BSPRY: variants seen among roughly 807,000 people sequenced by gnomAD.
The protein encoded by BSPRY is B-box and SPRY domain containing.
A neutral mutation model predicts 38.0 loss-of-function variants in BSPRY; 33 were observed. The ratio of observed to expected loss-of-function variants is 0.87; its 90% confidence interval spans 0.66 to 1.16. The LOEUF is 1.16. Among genes scored for constraint, BSPRY ranks in the 50% most tolerant of loss-of-function variants. The pLI is 0.00. For missense variants in BSPRY, 523 were observed against 533.2 expected (o/e 0.98, Z 0.19); for synonymous variants, 224 against 228.5 (o/e 0.98, Z 0.18).
chr9:113,354,790 C>T lies in BSPRY; in HGVS notation c.300+452C>T, dbSNP rs138873800. 6.1e-3 allele frequency among the ~76,000 whole-genome samples: 931 copies of T among 152,302 alleles called. 11 individuals are homozygous for T. Among genetic ancestry groups the T allele is most frequent in the Middle Eastern group, 0.031 (9 of 294 alleles). The stretch of plus-strand genomic sequence containing the variant: ...AAGGACCCCATAGCCTCCTGGCAGT[C>T]GGTTCTGTGACCTGGATCTTCTGTC... On this transcript the variant is annotated intron_variant, in intron 2 of 5. Coordinates refer to ENST00000374183, the MANE Select transcript of BSPRY (RefSeq NM_017688.3).
At chr9:113,366,345 C>T (rs997658249) in intron 4 of BSPRY, among the ~76,000 whole-genome samples, 2 of 152,186 alleles carry the variant, frequency 1.3e-5, no homozygotes, top group Non-Finnish European at 1.5e-5. Flanking sequence ...CCAGGCTGAG[C>T]GAATATACTC....
intron 1 of BSPRY, among the ~76,000 whole-genome samples, chr9:113,349,992 G>C (rs554125050): frequency 6.6e-6 from 1 of 152,354 alleles, no homozygotes; most frequent in South Asian, 2.1e-4. Flanking sequence ...CTCCCTGTGA[G>C]TCACGTAACT....
chr9:113,353,205 T>C (rs1833998409), intron 1 of BSPRY, among the ~76,000 whole-genome samples: 1 of 151,756 alleles, frequency 6.6e-6, no homozygotes, highest in South Asian at 2.1e-4. Context: ...CTATGCAACA[T>C]GGCAAAAGTC....
intron 5 of BSPRY, 134 bp from the exon 6 acceptor site, chr9:113,369,482 A>C: frequency 1.1e-6 from 1 of 902,772 alleles, no homozygotes; most frequent in Non-Finnish European, 1.7e-6. Context: ...CGTTTTGCAG[A>C]CAAGGCTCAG....
At chr9:113,350,921 G>A (rs7870848) in intron 1 of BSPRY, among the ~76,000 whole-genome samples, 41,303 of 152,054 alleles carry the variant, frequency 0.27, 6,322 homozygotes, top group Non-Finnish European at 0.35. Context: ...TCTTGACCAC[G>A]CCTTTGAAGG....
chr9:113,369,668 G>A lies in BSPRY; in HGVS notation c.735G>A (p.Leu245=). Residue 245 remains leucine, a synonymous_variant, in exon 6 of 6, where the codon TTG becomes TTA. Coordinates refer to ENST00000374183, the MANE Select transcript of BSPRY (RefSeq NM_017688.3). Reference sequence around the variant, plus strand: ...GGACAGTCAGCCCCTTCCTGCAATTGTCAGATGATCGAAAGACCCTGACCT... The same window carrying A: ...GGACAGTCAGCCCCTTCCTGCAATTATCAGATGATCGAAAGACCCTGACCT... ...DERTVSPFLQ[L]SDDRKTLTFS... is the part of the protein sequence containing the mutation. 1 of 1,614,186 alleles carries A rather than the reference G, an allele frequency of 6.2e-7. No individual in the cohort carries two copies. The highest frequency in any genetic ancestry group is 1.3e-5 in the African/African-American group (1 of 75,064).
rs769642845 is a variant in BSPRY, at chr9:113,370,331, A to T, written c.*189A>T. 1 of 583,146 alleles carries T rather than the reference A, an allele frequency of 1.7e-6. No individual in the cohort carries two copies. Among genetic ancestry groups the T allele is most frequent in the Non-Finnish European group, 2.6e-6 (1 of 382,504 alleles). 36.1% of individuals were successfully genotyped at this position (583,146 alleles called of 1,614,324 possible). A position where few individuals can be genotyped will look rare whatever the true frequency, so the allele number is the denominator to read the frequency against. ...ATAACCTGTAAATCACAGGTGTCCA[A>T]ACTTTTGGCTTCCCTGGGCCACATT... On this transcript the variant is annotated 3_prime_UTR_variant, in exon 6 of 6. Transcript: ENST00000374183. This position sits in a 1 kb window ranked among gnomAD's most constrained non-coding sequence, Gnocchi z 4.8.
At chr9:113,353,176 C>G (rs964769981) in intron 1 of BSPRY, among the ~76,000 whole-genome samples, 5 of 151,436 alleles carry the variant, frequency 3.3e-5, no homozygotes, top group Non-Finnish European at 4.4e-5. Flanking sequence ...TTGCTTGAGC[C>G]CAGGAGTTGG....
rs769687372 is a variant in BSPRY, at chr9:113,370,172, C to T, written c.*30C>T. 19 of 1,523,216 alleles carry T rather than the reference C, an allele frequency of 1.2e-5. 1 individual carries two copies. The highest frequency in any genetic ancestry group is 1.3e-5 in the Non-Finnish European group (15 of 1,136,640). 94.4% of individuals were successfully genotyped at this position (1,523,216 alleles called of 1,614,324 possible). ...TGGCCACAGGAAGCCAGGTCCACCG[C>T]CCACCACCCTTTCAGGCCATGTTTC... On this transcript the variant is annotated 3_prime_UTR_variant, in exon 6 of 6. Transcript: ENST00000374183. The surrounding 1 kb of genome is among the most constrained non-coding windows in gnomAD (Gnocchi z 4.8).
At chr9:113,361,606 G>A (rs1402885159) in intron 3 of BSPRY, among the ~76,000 whole-genome samples, 1 of 152,142 alleles carries the variant, frequency 6.6e-6, no homozygotes, top group Non-Finnish European at 1.5e-5. Context: ...CGGATGAAGC[G>A]ACTTAGAAGC....
At position 113,369,633 on chromosome 9, in the gene BSPRY, A is replaced by G; in HGVS notation, c.700A>G (p.Ile234Val). 2 of 1,612,944 alleles carry G rather than the reference A, an allele frequency of 1.2e-6. No homozygotes were observed. Among genetic ancestry groups the G allele is most frequent in the South Asian group, 2.2e-5 (2 of 90,904 alleles). Reference sequence around the variant, plus strand: ...TCTGGCAGGCACAGAGGACATACGGATCGATGAGAGGACAGTCAGCCCCTT... The same window carrying G: ...TCTGGCAGGCACAGAGGACATACGGGTCGATGAGAGGACAGTCAGCCCCTT... ...GSLSGTEDIRIDERTVSPFLQ... is the reference protein window; with the variant it reads ...GSLSGTEDIRVDERTVSPFLQ... Residue 234 changes from isoleucine (I) to valine (V), a missense_variant, in exon 6 of 6, where the codon ATC becomes GTC. Ile to Val is a conservative substitution (Grantham distance 29, BLOSUM62 3). Coordinates refer to ENST00000374183, the MANE Select transcript of BSPRY (RefSeq NM_017688.3).
intron 4 of BSPRY, among the ~76,000 whole-genome samples, chr9:113,363,543 A>G (rs1173555606): frequency 6.6e-6 from 1 of 152,164 alleles, no homozygotes; most frequent in Non-Finnish European, 1.5e-5. Context: ...TTGTGGACTT[A>G]TATATAGTCA....
chr9:113,362,174 GGTGTGT>G (rs10600721), intron 3 of BSPRY, among the ~76,000 whole-genome samples, 189 bp from the exon 4 acceptor site: 16,334 of 141,246 alleles, frequency 0.12, 898 homozygotes, highest in African/African-American at 0.13. Flanking sequence ...ATGTGTTATG[GGTGTGT>G]GTGTGTGTGT....
At chr9:113,361,124 C>G (rs943643946) in intron 3 of BSPRY, among the ~76,000 whole-genome samples, 3 of 152,062 alleles carry the variant, frequency 2.0e-5, no homozygotes, top group African/African-American at 4.8e-5. Flanking sequence ...CCCCTTACCC[C>G]CAATGTTTCC....
rs180852832 is a variant in BSPRY, at chr9:113,370,166, C to T, written c.*24C>T. 121 of 1,523,542 alleles carry T rather than the reference C, an allele frequency of 7.9e-5. No homozygotes were observed. The highest frequency in any genetic ancestry group is 9.9e-5 in the Non-Finnish European group (113 of 1,136,726). The allele number at this position is 1,523,542 out of a possible 1,614,324, so 94.4% of individuals were successfully genotyped here. ...GACCTCTGGCCACAGGAAGCCAGGT[C>T]CACCGCCCACCACCCTTTCAGGCCA... On this transcript the variant is annotated 3_prime_UTR_variant, in exon 6 of 6. Transcript: ENST00000374183. This position sits in a 1 kb window ranked among gnomAD's most constrained non-coding sequence, Gnocchi z 4.8.
intron 2 of BSPRY, among the ~76,000 whole-genome samples, chr9:113,358,979 G>T (rs1834108165): frequency 6.6e-6 from 1 of 152,130 alleles, no homozygotes; most frequent in Admixed American, 6.5e-5. Flanking sequence ...AGTGAGCTAT[G>T]ATTGTGCCAC....
At chr9:113,362,205 G>GTC (rs1834166076) in intron 3 of BSPRY, among the ~76,000 whole-genome samples, 164 bp from the exon 4 acceptor site, 1 of 150,718 alleles carries the variant, frequency 6.6e-6, no homozygotes, top group Non-Finnish European at 1.5e-5. Context: ...GTGTGTGTGT[G>GTC]TGTGTGTGTA....
chr9:113,367,685 C>T (rs543705607), intron 4 of BSPRY, among the ~76,000 whole-genome samples: 2 of 152,302 alleles, frequency 1.3e-5, no homozygotes, highest in East Asian at 3.9e-4. Flanking sequence ...GCAGAGCACA[C>T]CACCTTCAAT....
intron 1 of BSPRY, among the ~76,000 whole-genome samples, chr9:113,350,111 A>G (rs1167708814): frequency 6.6e-6 from 1 of 152,156 alleles, no homozygotes; most frequent in Non-Finnish European, 1.5e-5. Flanking sequence ...ATGCTTAGCG[A>G]TAAGGGGATC....
Sources: gnomAD v4.1 joint callset for allele counts (sites outside exome capture counted in the v4.1 genomes callset) on GRCh38, gnomAD v4.1.1 for gene constraint, Gnocchi (gnomAD v3.1) non-coding constraint, MANE v1.5 for transcripts, NCBI Gene and HGNC (gene_info 2026-07-23, HGNC 2026-07-21) for gene names.